Variants in ANO2 observed in about 807,000 individuals in gnomAD.
ANO2 encodes the protein anoctamin 2.
In ANO2, 101 loss-of-function variants were observed where a neutral mutation model predicts 124.2. That is an observed-to-expected ratio of 0.81 (90% CI 0.69 to 0.96). The LOEUF is 0.96. Among genes scored for constraint, ANO2 ranks in the 40% least tolerant of loss-of-function variants. ANO2 has a pLI of 0.00. For synonymous variants in ANO2, 486 were observed against 482.5 expected (o/e 1.01, Z -0.09); for missense variants, 1,293 against 1,274.5 (o/e 1.01, Z -0.22).
intron 20 of ANO2, among the ~76,000 whole-genome samples, chr12:5,585,543 G>A (rs1395991546): frequency 2.6e-5 from 4 of 152,218 alleles, no homozygotes; most frequent in Middle Eastern, 3.2e-3. Flanking sequence ...GGAGACTTGA[G>A]TTGGCAAGAT....
chr12:5,931,209 C>A (rs1446840891), intron 1 of ANO2, among the ~76,000 whole-genome samples: 1 of 152,188 alleles, frequency 6.6e-6, no homozygotes, highest in African/African-American at 2.4e-5. Context: ...CGCACCTACC[C>A]GTCTGGACCA....
Position 5,750,920 on chromosome 12 carries a change from T to C in ANO2, c.1106A>G (p.Tyr369Cys). Residue 369 changes from tyrosine (Y) to cysteine (C), a missense_variant, in exon 11 of 25, where the codon TAT (tyrosine) becomes TGT (cysteine). Transcript: ENST00000682330. ...IGLYFAWLGL[Y>C]TSFLIPSSVI... ...AGAAGATGGGATGAGGAATGATGTATATAATCCCAGCCAGGCAAAATACAG... is the reference window on the plus strand; with the variant it reads ...AGAAGATGGGATGAGGAATGATGTACATAATCCCAGCCAGGCAAAATACAG... 2 of 1,610,732 alleles carry C rather than the reference T, an allele frequency of 1.2e-6. No homozygotes were observed. Among genetic ancestry groups the C allele is most frequent in the Admixed American group, 1.7e-5 (1 of 59,650 alleles).
intron 20 of ANO2, among the ~76,000 whole-genome samples, chr12:5,593,720 A>G (rs1054907967): frequency 1.3e-5 from 2 of 152,232 alleles, no homozygotes; most frequent in African/African-American, 4.8e-5. Context: ...TGACTCCCAG[A>G]ATAGTCCTAT....
At chr12:5,707,154 G>C (rs2137034874) in intron 14 of ANO2, among the ~76,000 whole-genome samples, 1 of 152,286 alleles carries the variant, frequency 6.6e-6, no homozygotes, top group East Asian at 1.9e-4. Context: ...TCATGACAGT[G>C]AGGAGTTCTC....
chr12:5,944,231 C>T (rs773663796), intron 1 of ANO2, among the ~76,000 whole-genome samples: 1 of 152,116 alleles, frequency 6.6e-6, no homozygotes, highest in Non-Finnish European at 1.5e-5. Context: ...AGGTGGAGGG[C>T]CAAGAGGACC....
chr12:5,870,975 A>G (rs1166894328), intron 3 of ANO2, among the ~76,000 whole-genome samples: 1 of 152,212 alleles, frequency 6.6e-6, no homozygotes, highest in African/African-American at 2.4e-5. Context: ...AAGTGTTTTG[A>G]TCTAACAGAA....
intron 9 of ANO2, among the ~76,000 whole-genome samples, chr12:5,805,119 G>C (rs1158642168): frequency 6.6e-6 from 1 of 152,070 alleles, no homozygotes; most frequent in Non-Finnish European, 1.5e-5. Flanking sequence ...GGCAGGCAGA[G>C]AGGGGACATG....
chr12:5,637,435 T>C (rs1946083752), intron 15 of ANO2, among the ~76,000 whole-genome samples: 1 of 151,884 alleles, frequency 6.6e-6, no homozygotes, highest in Non-Finnish European at 1.5e-5. Flanking sequence ...ACATCCTTTG[T>C]TTAGGGTCTT....
intron 14 of ANO2, among the ~76,000 whole-genome samples, chr12:5,684,082 G>T (rs1252451231): frequency 6.6e-6 from 1 of 152,166 alleles, no homozygotes; most frequent in African/African-American, 2.4e-5. Context: ...GCAGTCACAG[G>T]CAAGGCATAG....
At chr12:5,845,143 T>C (rs901604487) in intron 4 of ANO2, among the ~76,000 whole-genome samples, 1 of 151,932 alleles carries the variant, frequency 6.6e-6, no homozygotes, top group Non-Finnish European at 1.5e-5. Flanking sequence ...TGTGTGCCTA[T>C]AGTCCCAGCT....
chr12:5,657,808 A>G (rs1190054656), intron 14 of ANO2, among the ~76,000 whole-genome samples: 1 of 110,684 alleles, frequency 9.0e-6, no homozygotes, highest in South Asian at 4.2e-4. Flanking sequence ...CTATAAATTT[A>G]GCCTCTCACA....
intron 14 of ANO2, among the ~76,000 whole-genome samples, chr12:5,652,925 G>A (rs138599912): frequency 1.3e-3 from 192 of 152,196 alleles, no homozygotes; most frequent in African/African-American, 4.4e-3. Context: ...TTTAAGGTGG[G>A]GGAATTACAC....
At chr12:5,569,507 G>A (rs1049615650) in intron 23 of ANO2, among the ~76,000 whole-genome samples, 1 of 152,138 alleles carries the variant, frequency 6.6e-6, no homozygotes, top group Non-Finnish European at 1.5e-5. Flanking sequence ...CTAATAAGGA[G>A]AGACTTCCAA....
intron 4 of ANO2, among the ~76,000 whole-genome samples, chr12:5,834,003 C>T (rs1954238013): frequency 6.6e-6 from 1 of 152,046 alleles, no homozygotes; most frequent in Admixed American, 6.6e-5. Flanking sequence ...AAGGGAAAGG[C>T]ACTCAGCTGA....
At chr12:5,574,902 C>A (rs1942314025) in intron 23 of ANO2, among the ~76,000 whole-genome samples, 1 of 152,200 alleles carries the variant, frequency 6.6e-6, no homozygotes, top group South Asian at 2.1e-4. Flanking sequence ...TCAAATTCAA[C>A]AACCTTTTGG....
At chr12:5,855,955 G>A (rs1254232002) in intron 3 of ANO2, among the ~76,000 whole-genome samples, 2 of 152,206 alleles carry the variant, frequency 1.3e-5, no homozygotes, top group Admixed American at 6.5e-5. Flanking sequence ...AATCCCAAGT[G>A]TGACATCGTT....
intron 8 of ANO2, 144 bp downstream of exon 8, chr12:5,807,169 T>G: frequency 1.5e-6 from 1 of 646,270 alleles, no homozygotes; most frequent in Non-Finnish European, 2.5e-6. Context: ...CAATGAGTGG[T>G]CCAGGGTCAG....
chr12:5,725,979 C>T (rs1950422331), intron 14 of ANO2, among the ~76,000 whole-genome samples: 1 of 152,080 alleles, frequency 6.6e-6, no homozygotes, highest in Admixed American at 6.5e-5. Flanking sequence ...AGCACTGCTC[C>T]TCAACCTGCC....
chr12:5,625,396 G>T (rs965388202), intron 16 of ANO2, among the ~76,000 whole-genome samples: 5 of 152,088 alleles, frequency 3.3e-5, no homozygotes, highest in African/African-American at 1.2e-4. Flanking sequence ...GCTCCAGGGA[G>T]TGAGAGTGCC....
Sources: allele counts gnomAD v4.1 joint callset (sites outside exome capture counted in the v4.1 genomes callset), GRCh38; gene constraint gnomAD v4.1.1; transcripts MANE v1.5; gene names NCBI Gene and HGNC (gene_info 2026-07-23, HGNC 2026-07-21).